SELP: variants seen among roughly 807,000 people sequenced by gnomAD.
SELP encodes the protein P-selectin.
In SELP, 92 loss-of-function variants were observed where a neutral mutation model predicts 104.1. The ratio of observed to expected loss-of-function variants is 0.88; its 90% CI spans 0.75 to 1.05. The LOEUF is 1.05. Among genes scored for constraint, SELP ranks in the 50% least tolerant of loss-of-function variants. The pLI is 0.00. For synonymous variants in SELP, 397 were observed against 364.5 expected (o/e 1.09, Z -1.01); for missense variants, 1,022 against 1,017.3 (o/e 1.00, Z -0.06).
rs892093421 is a variant in SELP at position 169,619,120 on chromosome 1, A to T, written c.94+9T>A. 20 of 1,607,416 alleles carry T rather than the reference A, an allele frequency of 1.2e-5. No homozygotes were observed. The African/African-American group carries it at 2.5e-4, about 20-fold the overall frequency. On this transcript the variant is annotated intron_variant, in intron 2 of 16. Transcript: ENST00000263686. ...TTAGGCCTAAGTGAAAAGTTAGCATAAAGTTTACCAGAGATCAGGGCACTG... is the reference window on the plus strand; with the variant it reads ...TTAGGCCTAAGTGAAAAGTTAGCATTAAGTTTACCAGAGATCAGGGCACTG...
At chr1:169,593,853 A>G (rs1264951498) in intron 13 of SELP, 129 bp from the exon 14 acceptor site, 4 of 828,494 alleles carry the variant, frequency 4.8e-6, no homozygotes, top group South Asian at 4.2e-5. Context: ...AGGTCCTGGG[A>G]ATGCTGACAA....
Position 169,595,980 on chromosome 1 carries a change from G to A in SELP, c.2046C>T (p.Ser682=), listed in dbSNP as rs372060200. 2 of 1,613,788 alleles carry A rather than the reference G, an allele frequency of 1.2e-6. No individual in the cohort carries two copies. Among genetic ancestry groups the A allele is most frequent in the African/African-American group, 1.3e-5 (1 of 74,894 alleles). The change falls in exon 12 of 17, where the codon AGC becomes AGT. Residue 682 remains serine, a synonymous_variant. Transcript: ENST00000263686. ...CNAGFTLIGD[S]TLSCRPSGQW... is the part of the protein sequence containing the mutation. ...GTCCTGAAGGTCTGCAGCTGAGAGT[G>A]CTGTCTCCTATGAGTGTGAATCCAG...
At position 169,596,028 on chromosome 1, in the gene SELP, G is replaced by A. The variant is rs865865981; in HGVS notation, c.1998C>T (p.Thr666=). 6.2e-7 allele frequency: 1 copy of A among 1,613,910 alleles called. No homozygotes were observed. Among genetic ancestry groups the A allele is most frequent in the Middle Eastern group, 1.6e-4 (1 of 6,062 alleles). The change falls in exon 12 of 17, where the codon ACC becomes ACT. Residue 666 remains threonine (T), a synonymous_variant. Transcript: ENST00000263686. ...CAGCGTTGCAGCCAAAGTAACAAGT[G>A]GTATTAAAACCAAAGGTTCCCGGAT... ...RHHPGTFGFN[T]TCYFGCNAGF...
intron 10 of SELP, among the ~76,000 whole-genome samples, chr1:169,600,010 G>A (rs1661819790): frequency 6.6e-6 from 1 of 152,164 alleles, no homozygotes; most frequent in African/African-American, 2.4e-5. Flanking sequence ...GGTCCAACAG[G>A]CAGGGACAGG....
At chr1:169,616,925 T>G in intron 3 of SELP, 103 bp downstream of exon 3, 1 of 1,276,958 alleles carries the variant, frequency 7.8e-7, no homozygotes, top group East Asian at 2.3e-5. Flanking sequence ...TTTCATGTCC[T>G]GCCTTTGTAT....
chr1:169,600,047 C>A (rs3917873), intron 10 of SELP, among the ~76,000 whole-genome samples: 11,675 of 152,160 alleles, frequency 0.077, 503 homozygotes, highest in Middle Eastern at 0.12. Flanking sequence ...TGTACAAGCA[C>A]TCCATCATGC....
chr1:169,593,170 A>T (rs943894106), intron 14 of SELP, among the ~76,000 whole-genome samples: 1 of 152,158 alleles, frequency 6.6e-6, no homozygotes, highest in African/African-American at 2.4e-5. Context: ...AACCATCATT[A>T]TGAGTCTCAC....
chr1:169,627,922 G>A (rs911222433), intron 1 of SELP, among the ~76,000 whole-genome samples: 4 of 152,154 alleles, frequency 2.6e-5, no homozygotes, highest in African/African-American at 9.7e-5. Context: ...TTTGAGACAA[G>A]TCTTGCTCTG....
intron 10 of SELP, among the ~76,000 whole-genome samples, chr1:169,600,941 G>A (rs1661879216): frequency 6.6e-6 from 1 of 152,210 alleles, no homozygotes; most frequent in African/African-American, 2.4e-5. Context: ...AGTGGGGATG[G>A]GGCCTGCAAA....
At chr1:169,620,049 TA>T (rs1324818621) in intron 1 of SELP, among the ~76,000 whole-genome samples, 1 of 150,536 alleles carries the variant, frequency 6.6e-6, no homozygotes, top group Admixed American at 6.6e-5. Flanking sequence ...AAAAGTACAT[TA>T]AAAAAAAATT....
intron 14 of SELP, among the ~76,000 whole-genome samples, chr1:169,592,660 T>C (rs1661407529): frequency 6.6e-6 from 1 of 152,222 alleles, no homozygotes; most frequent in African/African-American, 2.4e-5. Context: ...CTTTTTCTGA[T>C]GAACAGTCTG....
At chr1:169,607,828 T>C (rs1662278016) in intron 8 of SELP, among the ~76,000 whole-genome samples, 2 of 152,270 alleles carry the variant, frequency 1.3e-5, no homozygotes, top group South Asian at 2.1e-4. Context: ...TAATAGATAG[T>C]AATAATATCA....
rs1238524223 is a variant in SELP, at chr1:169,613,123, G to A, written c.590-9C>T. 1.9e-6 allele frequency: 3 copies of A among 1,567,952 alleles called. No individual in the cohort carries two copies. Among genetic ancestry groups the A allele is most frequent in the African/African-American group, 2.7e-5 (2 of 72,952 alleles). ...TTCTCCACACTCTCTCACTGCAGGA[G>A]ACAAAATAGTGATTTTTATTTTCCA... On this transcript the variant is annotated splice_polypyrimidine_tract_variant and intron_variant, in intron 4 of 16. Coordinates refer to ENST00000263686, the MANE Select transcript of SELP (RefSeq NM_003005.4).
Position 169,606,939 on chromosome 1 carries a change from A to G in SELP, c.1519+10T>C. On this transcript the variant is annotated intron_variant, in intron 9 of 16. Transcript: ENST00000263686. ...TTATTTCCATGATGTTAGAAAGAAT[A>G]CACTCTTACCTTGGCATTCTGGAGG... 6.2e-7 allele frequency: 1 copy of G among 1,609,802 alleles called. No individual in the cohort carries two copies. The highest frequency in any genetic ancestry group is 8.5e-7 in the Non-Finnish European group (1 of 1,177,844).
Position 169,595,935 on chromosome 1 carries a change from T to C in SELP, c.2091A>G (p.Pro697=), listed in dbSNP as rs574233014. 1.2e-6 allele frequency: 2 copies of C among 1,613,434 alleles called. No homozygotes were observed. The highest frequency in any genetic ancestry group is 1.7e-6 in the Non-Finnish European group (2 of 1,179,710). The change falls in exon 12 of 17, where the codon CCA becomes CCG. Residue 697 remains proline, a synonymous_variant. Coordinates refer to ENST00000263686, the MANE Select transcript of SELP (RefSeq NM_003005.4). The part of the protein sequence containing the change: ...RPSGQWTAVT[P]ACRAVKCSEL... ...TCCTTTTCACCTTACCTCTGCATGC[T>C]GGAGTTACTGCTGTCCATTGTCCTG... is the stretch of plus-strand genomic sequence containing the variant.
intron 1 of SELP, among the ~76,000 whole-genome samples, chr1:169,626,164 G>A (rs1663360919): frequency 6.6e-6 from 1 of 152,212 alleles, no homozygotes; most frequent in African/African-American, 2.4e-5. Flanking sequence ...AGAACATGAA[G>A]ACATTAGTGT....
chr1:169,595,864 T>G, intron 12 of SELP, 61 bp downstream of exon 12: 2 of 1,483,936 alleles, frequency 1.3e-6, no homozygotes, highest in Admixed American at 3.4e-5. Flanking sequence ...ACAGGCACAA[T>G]GGCTAGCTTG....
chr1:169,601,620 A>G (rs557010305), intron 10 of SELP, among the ~76,000 whole-genome samples: 2 of 152,318 alleles, frequency 1.3e-5, no homozygotes, highest in East Asian at 3.9e-4. Flanking sequence ...GTAAATTCAC[A>G]AGTGACTTAC....
chr1:169,600,131 A>C (rs576940816), intron 10 of SELP, among the ~76,000 whole-genome samples: 80 of 148,794 alleles, frequency 5.4e-4, no homozygotes, highest in Non-Finnish European at 9.1e-4. Context: ...CAGGTCCTGA[A>C]GGGCAAAGGC....
Sources: allele counts gnomAD v4.1 joint callset (sites outside exome capture counted in the v4.1 genomes callset), GRCh38; gene constraint gnomAD v4.1.1; transcripts MANE v1.5; gene names NCBI Gene and HGNC (gene_info 2026-07-23, HGNC 2026-07-21).